The following ARHGAP32 variants were observed in gnomAD, a reference collection of about 807,000 sequenced individuals.
ARHGAP32 encodes rho GTPase-activating protein 32.
In ARHGAP32, 51 loss-of-function variants were observed where a neutral mutation model predicts 186.5. The ratio of observed to expected loss-of-function variants is 0.27; its 90% CI spans 0.22 to 0.35. The LOEUF (loss-of-function observed/expected upper bound fraction) is 0.35, where lower values mean the gene tolerates loss of function less well. ARHGAP32 is among the 10% of genes least tolerant of loss of function. The pLI is 1.00. For missense variants in ARHGAP32, 2,186 were observed against 2,623.5 expected (o/e 0.83, Z 3.64); for synonymous variants, 950 against 964.3 (o/e 0.99, Z 0.27).
intron 6 of ARHGAP32, among the ~76,000 whole-genome samples, chr11:129,079,679 G>A (rs1245782263): frequency 1.3e-5 from 2 of 151,954 alleles, no homozygotes; most frequent in Non-Finnish European, 1.5e-5. Flanking sequence ...CTATAAAACA[G>A]TAACAATGAA....
At chr11:129,100,883 T>C (rs1320700562) in intron 5 of ARHGAP32, among the ~76,000 whole-genome samples, 6 of 152,130 alleles carry the variant, frequency 3.9e-5, no homozygotes, top group African/African-American at 1.2e-4. Context: ...TGAATGCCCA[T>C]AGGGAGCCAA....
chr11:129,267,295 C>T (rs1420645493), intron 1 of ARHGAP32, among the ~76,000 whole-genome samples: 2 of 152,078 alleles, frequency 1.3e-5, no homozygotes, highest in African/African-American at 4.8e-5. Flanking sequence ...ACCTGGGAGG[C>T]GGAGGTTTCA....
At chr11:129,166,169 T>G (rs897281577) in intron 1 of ARHGAP32, among the ~76,000 whole-genome samples, 5 of 151,710 alleles carry the variant, frequency 3.3e-5, no homozygotes, top group Non-Finnish European at 5.9e-5. Flanking sequence ...TAGAAGATAG[T>G]TTAGTAGAAA....
At chr11:129,169,272 T>C (rs56012620) in intron 1 of ARHGAP32, among the ~76,000 whole-genome samples, 20 of 151,956 alleles carry the variant, frequency 1.3e-4, no homozygotes, top group Admixed American at 1.3e-3. Context: ...AATAAAAAAA[T>C]GGAGAATCTA....
chr11:129,122,428 A>G (rs1942554251), intron 5 of ARHGAP32, among the ~76,000 whole-genome samples: 1 of 152,126 alleles, frequency 6.6e-6, no homozygotes, highest in African/African-American at 2.4e-5. Context: ...TCAAATGCTT[A>G]ACAGTCACAA....
intron 1 of ARHGAP32, among the ~76,000 whole-genome samples, chr11:129,243,404 A>G (rs1024298607): frequency 1.3e-5 from 2 of 152,256 alleles, no homozygotes; most frequent in African/African-American, 4.8e-5. Context: ...ATAAGTAAAT[A>G]TGATACAGTA....
At position 129,052,945 on chromosome 11, in the gene ARHGAP32, A is replaced by G. The variant is rs116845599; in HGVS notation, c.963+9335T>C. Among the ~76,000 whole-genome samples, 1,317 of 152,238 alleles carry G rather than the reference A, an allele frequency of 8.7e-3. 13 individuals carry two copies. Among genetic ancestry groups the G allele is most frequent in the Non-Finnish European group, 1.0e-2 (679 of 67,982 alleles). The stretch of plus-strand genomic sequence containing the variant: ...ATACTTGTCATAAAGAGGGGGTATT[A>G]GGGTTTAATAAGATTAAGAACTACT... On this transcript the variant is annotated intron_variant, in intron 10 of 22. Transcript: ENST00000682385.
chr11:129,211,171 C>CAT (rs1167575078), intron 1 of ARHGAP32, among the ~76,000 whole-genome samples: 2 of 152,078 alleles, frequency 1.3e-5, no homozygotes, highest in Non-Finnish European at 2.9e-5. Context: ...AGGACTCTGA[C>CAT]ATGTTTTTTA....
upstream of ARHGAP32, among the ~76,000 whole-genome samples, chr11:129,193,578 ATATTATATAATATATG>A (rs1944323495): frequency 1.9e-5 from 1 of 53,038 alleles, no homozygotes; most frequent in African/African-American, 7.7e-5. Context: ...TAATATATAT[ATATTATATAATATATG>A]TTATATATAA....
chr11:129,085,233 T>C (rs1191696453), intron 6 of ARHGAP32, among the ~76,000 whole-genome samples: 3 of 152,098 alleles, frequency 2.0e-5, no homozygotes, highest in Non-Finnish European at 4.4e-5. Flanking sequence ...TATGTTGCCC[T>C]GATCTCAATC....
At chr11:129,044,076 T>C (rs1046904184) in intron 10 of ARHGAP32, among the ~76,000 whole-genome samples, 1 of 152,202 alleles carries the variant, frequency 6.6e-6, no homozygotes, top group Non-Finnish European at 1.5e-5. Context: ...ATGTTTTATA[T>C]ATAAAGCTAA....
intron 11 of ARHGAP32, among the ~76,000 whole-genome samples, chr11:129,006,595 G>C (rs1049530702): frequency 1.3e-5 from 2 of 152,154 alleles, no homozygotes; most frequent in African/African-American, 4.8e-5. Context: ...GTCTCTCTCT[G>C]TCTCTGTGAT....
At position 128,981,412 on chromosome 11, in the gene ARHGAP32, G is replaced by A. The variant is rs200623040; in HGVS notation, c.1780+4C>T. The A allele has an allele frequency of 1.7e-5, 27 of 1,595,284 alleles. No homozygotes were observed. The highest frequency in any genetic ancestry group is 9.0e-5 in the East Asian group (4 of 44,442). On this transcript the variant is annotated splice_donor_region_variant and intron_variant, in intron 17 of 22. Transcript: ENST00000682385. The stretch of plus-strand genomic sequence containing the variant: ...CCTGGTAGGAAGGGCCATCGGAGCC[G>A]TACCTGCCCCCTCTTGCATGGCCAT...
chr11:128,978,733 T>C (rs373063712), intron 19 of ARHGAP32, 37 bp downstream of exon 19: 46 of 1,574,382 alleles, frequency 2.9e-5, no homozygotes, highest in Non-Finnish European at 3.3e-5. Flanking sequence ...AAGACCATCA[T>C]GACAGCAGCA....
intron 1 of ARHGAP32, among the ~76,000 whole-genome samples, chr11:129,180,786 C>T (rs1944038231): frequency 6.6e-6 from 1 of 152,048 alleles, no homozygotes; most frequent in Non-Finnish European, 1.5e-5. Flanking sequence ...AAAACATCTT[C>T]AGACTTAAAC....
chr11:129,198,792 A>G (rs1384352588), intron 1 of ARHGAP32, among the ~76,000 whole-genome samples: 2 of 152,246 alleles, frequency 1.3e-5, no homozygotes, highest in Non-Finnish European at 2.9e-5. Context: ...TGTGGAAGCA[A>G]CTTTGGAACT....
chr11:129,071,049 GC>G (rs1262472176), intron 6 of ARHGAP32, among the ~76,000 whole-genome samples: 4 of 151,930 alleles, frequency 2.6e-5, no homozygotes, highest in Non-Finnish European at 5.9e-5. Flanking sequence ...GGAACTATTA[GC>G]CTTTTGAGAG....
intron 1 of ARHGAP32, among the ~76,000 whole-genome samples, chr11:129,225,305 G>A (rs1450976635): frequency 2.0e-5 from 3 of 152,146 alleles, no homozygotes; most frequent in Non-Finnish European, 2.9e-5. Context: ...AGGGCTGTGT[G>A]TATGCTCAGA....
intron 1 of ARHGAP32, among the ~76,000 whole-genome samples, chr11:129,165,051 A>G (rs1309872880): frequency 6.6e-6 from 1 of 152,110 alleles, no homozygotes; most frequent in Non-Finnish European, 1.5e-5. Flanking sequence ...CAATCATGGG[A>G]AATAGAGCCC....
Sources: allele counts gnomAD v4.1 joint callset (sites outside exome capture counted in the v4.1 genomes callset), GRCh38; gene constraint gnomAD v4.1.1; transcripts MANE v1.5; gene names NCBI Gene and HGNC (gene_info 2026-07-23, HGNC 2026-07-21).